The following PDE8B variants were observed in gnomAD, a reference collection of about 807,000 sequenced individuals.
PDE8B encodes the protein high affinity cAMP-specific and IBMX-insensitive 3',5'-cyclic phosphodiesterase 8B.
PDE8B carries 26 observed loss-of-function variants against 101.3 expected under a neutral mutation model. The ratio of observed to expected loss-of-function variants is 0.26; its 90% CI spans 0.19 to 0.36. The LOEUF is 0.36. Among genes scored for constraint, PDE8B ranks in the 10% least tolerant of loss-of-function variants. The pLI is 1.00. For missense variants in PDE8B, 810 were observed against 1,163.1 expected (o/e 0.70, Z 4.42); for synonymous variants, 424 against 429.3 (o/e 0.99, Z 0.15).
At chr5:77,267,084 G>T (rs1269885222) in intron 1 of PDE8B, among the ~76,000 whole-genome samples, 1 of 152,030 alleles carries the variant, frequency 6.6e-6, no homozygotes, top group Non-Finnish European at 1.5e-5. Context: ...AGGCTTATTT[G>T]TTGCTCAGTT....
At chr5:77,294,883 ATATC>A (rs1306674174) in intron 1 of PDE8B, among the ~76,000 whole-genome samples, 8 of 148,410 alleles carry the variant, frequency 5.4e-5, no homozygotes, top group African/African-American at 1.7e-4. Context: ...AATATATATT[ATATC>A]TATCTAGATA....
chr5:77,157,170 C>A, the PDE8B span, among the ~76,000 whole-genome samples: 1 of 152,118 alleles, frequency 6.6e-6, no homozygotes, highest in Non-Finnish European at 1.5e-5. Context: ...TGTTTTCATC[C>A]TCTGGAAAAT....
In PDE8B at chr5:77,210,730, T is replaced by C. The variant is rs1183600247; in HGVS notation, c.-196T>C. The C allele has an allele frequency of 5.1e-6, 5 of 980,288 alleles. No individual in the cohort carries two copies. The highest frequency in any genetic ancestry group is 4.7e-5 in the South Asian group (1 of 21,222). The allele number at this position is 980,288 out of a possible 1,614,324, so 60.7% of individuals were successfully genotyped here. On this transcript the variant is annotated 5_prime_UTR_variant, in exon 1 of 22. Coordinates refer to ENST00000264917, the MANE Select transcript of PDE8B (RefSeq NM_003719.5). This position sits in a 1 kb window ranked among gnomAD's most constrained non-coding sequence, Gnocchi z 4.9. ...GAGGAAGATGGCCCAAAAGGGAAAG[T>C]TGGGGTGACGCGCGCGGTCCCCGGA...
intron 10 of PDE8B, among the ~76,000 whole-genome samples, chr5:77,387,351 T>C (rs1315937248): frequency 2.0e-5 from 3 of 152,232 alleles, no homozygotes; most frequent in Non-Finnish European, 2.9e-5. Context: ...CATGAAATTC[T>C]GGGTTGAAAA....
chr5:77,229,726 G>A (rs936041054), intron 1 of PDE8B, among the ~76,000 whole-genome samples: 4 of 152,156 alleles, frequency 2.6e-5, no homozygotes, highest in Admixed American at 6.5e-5. Context: ...CTTTCAGTTA[G>A]CATGATGTTT....
At chr5:77,297,442 C>G (rs1433576275) in intron 1 of PDE8B, among the ~76,000 whole-genome samples, 1 of 152,122 alleles carries the variant, frequency 6.6e-6, no homozygotes, top group African/African-American at 2.4e-5. Context: ...TGGGCCCACC[C>G]CTAGAGTTTC....
chr5:77,307,676 T>G (rs1405036364), intron 1 of PDE8B, among the ~76,000 whole-genome samples: 1 of 152,192 alleles, frequency 6.6e-6, no homozygotes, highest in Non-Finnish European at 1.5e-5. Context: ...CATTCACACA[T>G]GTACACACAA....
At chr5:77,116,224 A>ATATATTTTT in the PDE8B span, among the ~76,000 whole-genome samples, 1 of 59,610 alleles carries the variant, frequency 1.7e-5, no homozygotes, top group African/African-American at 7.2e-5. Context: ...ATATATATAT[A>ATATATTTTT]TTTTTTTTTT....
At position 77,211,363 on chromosome 5, in the gene PDE8B, C is replaced by A; in HGVS notation, c.339+99C>A. ...CCGGCGGAGTTGGGTGACCGTGAGG[C>A]GGTTGGTTTGGAGAGGTTGTCACTA... On this transcript the variant is annotated intron_variant, in intron 1 of 21. Coordinates refer to ENST00000264917, the MANE Select transcript of PDE8B (RefSeq NM_003719.5). The surrounding 1 kb of genome is among the most constrained non-coding windows in gnomAD (Gnocchi z 4.1). The A allele has an allele frequency of 8.3e-7, 1 of 1,199,206 alleles. No homozygotes were observed. The highest frequency in any genetic ancestry group is 1.4e-5 in the South Asian group (1 of 69,320). The allele number at this position is 1,199,206 out of a possible 1,614,324, so 74.3% of individuals were successfully genotyped here. A position where few individuals can be genotyped will look rare whatever the true frequency, so the allele number is the denominator to read the frequency against.
chr5:77,163,432 A>T, the PDE8B span, among the ~76,000 whole-genome samples: 1 of 152,226 alleles, frequency 6.6e-6, no homozygotes. Flanking sequence ...AGGTGTTATT[A>T]TTGCACTTCT....
At chr5:77,343,871 A>G (rs550348895) in intron 6 of PDE8B, among the ~76,000 whole-genome samples, 139 of 138,948 alleles carry the variant, frequency 1.0e-3, no homozygotes, top group African/African-American at 3.9e-3. Context: ...CTATTTTTAA[A>G]TCTTTTTTTT....
chr5:77,143,860 T>G, the PDE8B span: 1 of 44,108 alleles, frequency 2.3e-5, no homozygotes, highest in Non-Finnish European at 3.6e-5. Context: ...TCTTGAGGGA[T>G]TTTTTTTTTT....
At chr5:77,102,792 C>T in the PDE8B span, among the ~76,000 whole-genome samples, 47 of 152,316 alleles carry the variant, frequency 3.1e-4, no homozygotes, top group East Asian at 8.7e-3. Flanking sequence ...AGCTGCCAGC[C>T]ACGCCTAGGC....
At chr5:77,290,734 C>A (rs925712886) in intron 1 of PDE8B, 2 of 1,493,246 alleles carry the variant, frequency 1.3e-6, no homozygotes, top group African/African-American at 2.8e-5. Context: ...CAGTGGAATC[C>A]TGTAGGCCTG....
intron 1 of PDE8B, among the ~76,000 whole-genome samples, chr5:77,281,317 A>G (rs1190564684): frequency 6.6e-6 from 1 of 152,242 alleles, no homozygotes. Flanking sequence ...TTCTAATCCA[A>G]TGTTTTAGTT....
At chr5:77,136,984 C>A in the PDE8B span, among the ~76,000 whole-genome samples, 4 of 152,230 alleles carry the variant, frequency 2.6e-5, no homozygotes, top group East Asian at 3.9e-4. Context: ...GTGCTCAAAG[C>A]CTGGGCACTA....
chr5:77,413,037 C>T (rs62362507), intron 16 of PDE8B, 74 bp from the exon 17 acceptor site: 157 of 1,209,948 alleles, frequency 1.3e-4, no homozygotes, highest in Non-Finnish European at 1.8e-4. Flanking sequence ...GCTTCCATGC[C>T]CCACTATCAT....
rs199736408 is a variant in PDE8B at position 77,312,058 on chromosome 5, G to A, written c.399+5G>A. 7 of 1,601,574 alleles carry A rather than the reference G, an allele frequency of 4.4e-6. No homozygotes were observed. Among genetic ancestry groups the A allele is most frequent in the African/African-American group, 2.7e-5 (2 of 74,440 alleles). On this transcript the variant is annotated splice_donor_5th_base_variant and intron_variant, in intron 2 of 21. Transcript: ENST00000264917. Reference sequence around the variant, plus strand: ...CTGACGCAGGACCCTATTCAGGTACGCCTCCTTTACTCAGCCCTGTGACTC... The same window carrying A: ...CTGACGCAGGACCCTATTCAGGTACACCTCCTTTACTCAGCCCTGTGACTC...
the PDE8B span, among the ~76,000 whole-genome samples, chr5:77,109,937 T>TG: frequency 4.4e-5 from 5 of 114,044 alleles, no homozygotes; most frequent in Admixed American, 3.4e-4. Flanking sequence ...GTTTTTTTTT[T>TG]TTTTTTTTTT....
Sources: gnomAD v4.1 joint callset for allele counts (sites outside exome capture counted in the v4.1 genomes callset) on GRCh38, gnomAD v4.1.1 for gene constraint, Gnocchi (gnomAD v3.1) non-coding constraint, MANE v1.5 for transcripts, NCBI Gene and HGNC (gene_info 2026-07-23, HGNC 2026-07-21) for gene names.